The following GALNT14 variants were observed in gnomAD, a reference collection of about 807,000 sequenced individuals.
GALNT14 encodes the protein UDP-GalNAc:polypeptide N-acetylgalactosaminyltransferase 14.
Under a neutral mutation model 77.5 loss-of-function variants are expected in GALNT14, and 60 were observed. The observed-to-expected ratio is 0.77, with a 90% confidence interval of 0.63 to 0.96. The LOEUF is 0.96. GALNT14 is among the 40% of genes least tolerant of loss of function. The pLI is 0.00. For synonymous variants in GALNT14, 280 were observed against 281.7 expected, an observed-to-expected ratio of 0.99 and a Z score of 0.06; for missense variants, 710 against 731.0, an observed-to-expected ratio of 0.97 and a Z score of 0.33.
chr2:30,974,675 T>G (rs1668538338), intron 2 of GALNT14, among the ~76,000 whole-genome samples: 1 of 152,234 alleles, frequency 6.6e-6, no homozygotes, highest in African/African-American at 2.4e-5. Flanking sequence ...TGGGAAGCAT[T>G]TCAGTCTCCC....
chr2:31,101,126 T>G (rs989046165), intron 1 of GALNT14, among the ~76,000 whole-genome samples: 1 of 152,050 alleles, frequency 6.6e-6, no homozygotes, highest in African/African-American at 2.4e-5. Flanking sequence ...TGAGTGTATT[T>G]TTTAATTTTA....
Position 31,035,877 on chromosome 2 carries a change from G to C in GALNT14, c.130-42870C>G, listed in dbSNP as rs577173908. Among the ~76,000 whole-genome samples the C allele has an allele frequency of 5.3e-5, 8 of 151,958 alleles. No individual in the cohort carries two copies. In the East Asian group the frequency reaches 1.6e-3, roughly 30 times the overall value. On this transcript the variant is annotated intron_variant, in intron 1 of 14. Coordinates refer to ENST00000349752, the MANE Select transcript of GALNT14 (RefSeq NM_024572.4). The stretch of plus-strand genomic sequence containing the variant: ...CTACTGTAGGGTGGATGGTGGGAGG[G>C]GGGACAGGATAAGGAAAAATAACTA...
intron 1 of GALNT14, among the ~76,000 whole-genome samples, chr2:30,996,989 C>G (rs935950233): frequency 1.7e-4 from 26 of 152,288 alleles, no homozygotes; most frequent in African/African-American, 5.8e-4. Flanking sequence ...AATAATATCA[C>G]TATTTCAATA....
chr2:30,980,970 G>A (rs1299703055), intron 2 of GALNT14, among the ~76,000 whole-genome samples: 1 of 152,214 alleles, frequency 6.6e-6, no homozygotes, highest in Non-Finnish European at 1.5e-5. Context: ...CTACTCAGGA[G>A]GCTGAGGCAG....
At chr2:31,006,669 A>G (rs1456241207) in intron 1 of GALNT14, among the ~76,000 whole-genome samples, 1 of 152,198 alleles carries the variant, frequency 6.6e-6, no homozygotes, top group Non-Finnish European at 1.5e-5. Context: ...AGGAGGAGGC[A>G]TGGCAGGAAG....
At chr2:30,925,723 T>C (rs1210046238) in intron 11 of GALNT14, among the ~76,000 whole-genome samples, 2 of 152,132 alleles carry the variant, frequency 1.3e-5, no homozygotes, top group African/African-American at 2.4e-5. Flanking sequence ...AAGGGTCCCG[T>C]GAGGCACTGC....
intron 1 of GALNT14, among the ~76,000 whole-genome samples, chr2:31,103,869 T>C (rs961378874): frequency 6.6e-6 from 1 of 152,284 alleles, no homozygotes; most frequent in South Asian, 2.1e-4. Flanking sequence ...TCACCCTCCA[T>C]CTTCACTTTG....
chr2:31,103,562 A>G (rs1366882723), intron 1 of GALNT14, among the ~76,000 whole-genome samples: 1 of 151,976 alleles, frequency 6.6e-6, no homozygotes, highest in East Asian at 1.9e-4. Context: ...TCTCACTTCC[A>G]CCAACTGATT....
At chr2:30,996,869 G>C (rs1167589570) in intron 1 of GALNT14, among the ~76,000 whole-genome samples, 1 of 152,214 alleles carries the variant, frequency 6.6e-6, no homozygotes, top group Non-Finnish European at 1.5e-5. Context: ...CCCTGAGGGG[G>C]AACAGCCCAT....
At chr2:30,917,131 G>C (rs1558400953) in intron 13 of GALNT14, among the ~76,000 whole-genome samples, 1 of 149,006 alleles carries the variant, frequency 6.7e-6, no homozygotes, top group Non-Finnish European at 1.5e-5. Flanking sequence ...ACGAGCCTGG[G>C]CCCAGGCAGA....
chr2:31,067,057 C>A (rs1018456007), intron 1 of GALNT14, among the ~76,000 whole-genome samples: 1 of 152,172 alleles, frequency 6.6e-6, no homozygotes, highest in Non-Finnish European at 1.5e-5. Flanking sequence ...TTTTCCTTCC[C>A]CCAGCAGTCT....
At chr2:31,015,207 G>A (rs1309842966) in intron 1 of GALNT14, among the ~76,000 whole-genome samples, 3 of 151,242 alleles carry the variant, frequency 2.0e-5, no homozygotes, top group South Asian at 4.2e-4. Context: ...CAGGAGAATC[G>A]CTTGAACCTG....
rs200064707 is a variant in GALNT14, at chr2:31,072,283, A to G, written c.129+65675T>C. On this transcript the variant is annotated intron_variant, in intron 1 of 14. Coordinates refer to ENST00000349752, the MANE Select transcript of GALNT14 (RefSeq NM_024572.4). ...CTCTCTCACACACACACACACACAT[A>G]CACACACACACACACACACATACAC... 1.9e-4 allele frequency among the ~76,000 whole-genome samples: 12 copies of G among 62,366 alleles called. No individual in the cohort carries two copies. The East Asian group carries it at 6.1e-3, about 32-fold the overall frequency. 40.9% of individuals were successfully genotyped at this position (62,366 alleles called of 152,430 possible).
intron 2 of GALNT14, among the ~76,000 whole-genome samples, chr2:30,980,382 G>T (rs536684842): frequency 6.6e-6 from 1 of 152,228 alleles, no homozygotes. Flanking sequence ...CTGGGTGACT[G>T]CAGCAGGCCC....
intron 1 of GALNT14, among the ~76,000 whole-genome samples, chr2:31,052,545 G>A (rs934800366): frequency 4.6e-5 from 7 of 152,166 alleles, no homozygotes; most frequent in African/African-American, 1.7e-4. Flanking sequence ...TCCTTCCTCT[G>A]CTCAGCCAAG....
intron 8 of GALNT14, among the ~76,000 whole-genome samples, chr2:30,943,477 T>C (rs1224652761): frequency 6.6e-6 from 1 of 152,178 alleles, no homozygotes; most frequent in Non-Finnish European, 1.5e-5. Context: ...ATCCTGCTGT[T>C]TTCTGAGAAC....
At chr2:30,901,174 G>A in the GALNT14 span, among the ~76,000 whole-genome samples, 4 of 152,088 alleles carry the variant, frequency 2.6e-5, no homozygotes, top group African/African-American at 7.2e-5. Flanking sequence ...CTCCACAAGC[G>A]GGGCACCTGG....
In GALNT14 at chr2:30,949,490, C is replaced by G. The variant is rs1297600713; in HGVS notation, c.655-3620G>C. ...GGCTCAAGCAGGCAGCTGGTGGAACCCTTGCAGATCCTGGACCACACTCCC... is the reference window on the plus strand; with the variant it reads ...GGCTCAAGCAGGCAGCTGGTGGAACGCTTGCAGATCCTGGACCACACTCCC... On this transcript the variant is annotated intron_variant, in intron 6 of 14. Transcript: ENST00000349752. Among the ~76,000 whole-genome samples the G allele has an allele frequency of 2.0e-5, 3 of 152,098 alleles. No individual in the cohort carries two copies. The South Asian group carries it at 6.2e-4, about 32-fold the overall frequency.
intron 9 of GALNT14, among the ~76,000 whole-genome samples, chr2:30,934,779 A>G (rs1038788551): frequency 6.6e-6 from 1 of 151,960 alleles, no homozygotes; most frequent in African/African-American, 2.4e-5. Flanking sequence ...TTTTCCTGAC[A>G]CTGCTGTCGC....
Sources: gnomAD v4.1 joint callset for allele counts (sites outside exome capture counted in the v4.1 genomes callset) on GRCh38, gnomAD v4.1.1 for gene constraint, MANE v1.5 for transcripts, NCBI Gene and HGNC (gene_info 2026-07-23, HGNC 2026-07-21) for gene names.